The following CGNL1 variants were observed in gnomAD, a reference collection of about 807,000 sequenced individuals.
CGNL1 encodes cingulin like 1.
CGNL1 carries 132 observed loss-of-function variants against 141.2 expected under a neutral mutation model. The observed-to-expected ratio is 0.93, with a 90% CI of 0.81 to 1.08. The LOEUF (loss-of-function observed/expected upper bound fraction) is 1.08, where lower values mean the gene tolerates loss of function less well. Ranked by LOEUF, CGNL1 falls within the 50% of genes least tolerant of loss-of-function variation. CGNL1 has a pLI of 0.00. For missense variants in CGNL1, 1,870 were observed against 1,588.6 expected (o/e 1.18, Z -3.01); for synonymous variants, 690 against 622.1 (o/e 1.11, Z -1.63).
intron 1 of CGNL1, chr15:57,406,884 G>T (rs1328087888): frequency 6.6e-6 from 1 of 152,208 alleles, no homozygotes; most frequent in Non-Finnish European, 1.5e-5. Flanking sequence ...CCAAATACTG[G>T]TGCTTACTGT....
At chr15:57,517,764 C>G (rs1481553808) in intron 9 of CGNL1, among the ~76,000 whole-genome samples, 1 of 152,194 alleles carries the variant, frequency 6.6e-6, no homozygotes, top group African/African-American at 2.4e-5. Context: ...ACAGTTTGAG[C>G]CCATTCATAA....
chr15:57,428,632 T>G (rs896047954), intron 1 of CGNL1, among the ~76,000 whole-genome samples: 1 of 151,988 alleles, frequency 6.6e-6, no homozygotes, highest in Non-Finnish European at 1.5e-5. Flanking sequence ...AGGAGCTGCC[T>G]CCAGTAGGTG....
intron 14 of CGNL1, among the ~76,000 whole-genome samples, chr15:57,534,675 G>A (rs576466992): frequency 1.3e-5 from 2 of 152,250 alleles, no homozygotes; most frequent in East Asian, 1.9e-4. Flanking sequence ...ACGTAAGGCC[G>A]CTTTTCCTCT....
intron 1 of CGNL1, among the ~76,000 whole-genome samples, chr15:57,423,173 A>G (rs548602651): frequency 6.6e-6 from 1 of 152,172 alleles, no homozygotes; most frequent in Non-Finnish European, 1.5e-5. Flanking sequence ...ATACCTCTTC[A>G]GCTGATCGTG....
At chr15:57,404,040 A>G (rs1470002218) in intron 1 of CGNL1, among the ~76,000 whole-genome samples, 1 of 152,180 alleles carries the variant, frequency 6.6e-6, no homozygotes. Flanking sequence ...TGACTTTCCA[A>G]CTACTTCCAG....
intron 1 of CGNL1, among the ~76,000 whole-genome samples, chr15:57,421,548 C>A (rs1239235760): frequency 6.6e-6 from 1 of 152,036 alleles, no homozygotes; most frequent in East Asian, 1.9e-4. Flanking sequence ...TTGGCTAAAA[C>A]AAGCGTTAGG....
intron 1 of CGNL1, among the ~76,000 whole-genome samples, chr15:57,382,213 A>C (rs2062432575): frequency 1.3e-5 from 2 of 152,134 alleles, no homozygotes; most frequent in Admixed American, 1.3e-4. Context: ...GGCCATATGG[A>C]GTTATAATTA....
Position 57,394,775 on chromosome 15 carries a change from A to G in CGNL1, c.-16+18208A>G, listed in dbSNP as rs144986690. On this transcript the variant is annotated intron_variant, in intron 1 of 18. Transcript: ENST00000281282. ...TTATATGATCTGAGCCCCTTGCTTC[A>G]TGAACAATATTTTCAGTTACTTTAC... Among the ~76,000 whole-genome samples, 415 of 152,310 alleles carry G rather than the reference A, an allele frequency of 2.7e-3. 3 individuals are homozygous for G. The highest frequency in any genetic ancestry group is 7.7e-3 in the Admixed American group (118 of 15,296).
intron 7 of CGNL1, among the ~76,000 whole-genome samples, chr15:57,460,317 T>C (rs1214265173): frequency 2.0e-5 from 3 of 152,138 alleles, no homozygotes; most frequent in Admixed American, 6.5e-5. Flanking sequence ...AAAAATCATA[T>C]AGCAAGAGAT....
intron 8 of CGNL1, among the ~76,000 whole-genome samples, chr15:57,486,775 A>G (rs1252654241): frequency 1.3e-5 from 2 of 152,174 alleles, no homozygotes; most frequent in African/African-American, 4.8e-5. Flanking sequence ...ACACCCAAAG[A>G]GGGGTATCTG....
At chr15:57,540,469 G>A (rs532892560) in intron 14 of CGNL1, among the ~76,000 whole-genome samples, 9 of 152,300 alleles carry the variant, frequency 5.9e-5, no homozygotes, top group African/African-American at 7.2e-5. Context: ...ACCCGCCCCC[G>A]TGATTCAGTT....
intron 4 of CGNL1, among the ~76,000 whole-genome samples, chr15:57,450,384 C>T (rs1425622018): frequency 6.6e-6 from 1 of 152,202 alleles, no homozygotes; most frequent in Non-Finnish European, 1.5e-5. Flanking sequence ...TCAAGCGATT[C>T]TTCTGCCTCA....
intron 1 of CGNL1, among the ~76,000 whole-genome samples, chr15:57,431,615 A>C (rs1481916957): frequency 6.6e-6 from 1 of 152,224 alleles, no homozygotes; most frequent in Non-Finnish European, 1.5e-5. Flanking sequence ...TGTGTTAACC[A>C]CTGTTTAGCA....
chr15:57,409,070 CACAT>C (rs1268397180), intron 1 of CGNL1, among the ~76,000 whole-genome samples: 1 of 149,670 alleles, frequency 6.7e-6, no homozygotes, highest in African/African-American at 2.5e-5. Flanking sequence ...CACACACACA[CACAT>C]TGCCTTTTGA....
intron 1 of CGNL1, among the ~76,000 whole-genome samples, chr15:57,418,003 T>G (rs1245856341): frequency 2.0e-5 from 3 of 151,996 alleles, no homozygotes; most frequent in Non-Finnish European, 4.4e-5. Flanking sequence ...GCTTGAGCCT[T>G]TGGGGGTTGG....
intron 8 of CGNL1, among the ~76,000 whole-genome samples, chr15:57,491,843 C>A (rs990613475): frequency 5.3e-5 from 8 of 152,062 alleles, no homozygotes; most frequent in African/African-American, 1.9e-4. Flanking sequence ...GCAAATAGTA[C>A]TGGGACCAAC....
rs78039441 is a variant in CGNL1, at chr15:57,543,589, C to T, written c.3292-107C>T. On this transcript the variant is annotated intron_variant, in intron 14 of 18. Transcript: ENST00000281282. Reference sequence around the variant, plus strand: ...GGCACGAGGGGCTGGGTAGGGCAACCCCCTTCATAAAGTGGAGGTTGACAT... The same window carrying T: ...GGCACGAGGGGCTGGGTAGGGCAACTCCCTTCATAAAGTGGAGGTTGACAT... 11 of 957,428 alleles carry T rather than the reference C, an allele frequency of 1.1e-5. No individual in the cohort carries two copies. The Admixed American group carries it at 2.2e-4, about 19-fold the overall frequency. 59.3% of individuals were successfully genotyped at this position (957,428 alleles called of 1,614,324 possible).
chr15:57,550,329 G>A lies in CGNL1; in HGVS notation c.*2839G>A, dbSNP rs1188976869. The A allele has an allele frequency of 6.6e-6, 1 of 152,570 alleles. No homozygotes were observed. The highest frequency in any genetic ancestry group is 1.5e-5 in the Non-Finnish European group (1 of 68,032). The allele number at this position is 152,570 out of a possible 1,614,324, so 9.5% of individuals were successfully genotyped here. ...AACAAAGTGCAGATTAGTGCCCACG[G>A]TCCTTTCCAGGTATAACATGCTATC... On this transcript the variant is annotated 3_prime_UTR_variant, in exon 19 of 19. Coordinates refer to ENST00000281282, the MANE Select transcript of CGNL1 (RefSeq NM_032866.5).
intron 1 of CGNL1, 137 bp downstream of exon 1, chr15:57,376,704 A>G (rs1293722820): frequency 6.7e-6 from 1 of 148,392 alleles, no homozygotes; most frequent in Admixed American, 6.7e-5. Context: ...CCGCGCGTCC[A>G]CTCTCGGTGA....
Sources: gnomAD v4.1 joint callset for allele counts (sites outside exome capture counted in the v4.1 genomes callset) on GRCh38, gnomAD v4.1.1 for gene constraint, MANE v1.5 for transcripts, NCBI Gene and HGNC (gene_info 2026-07-23, HGNC 2026-07-21) for gene names.